FBN3: variants seen among roughly 807,000 people sequenced by gnomAD.
FBN3 encodes fibrillin 3, also known as fibrillin-3.
FBN3 carries 234 observed loss-of-function variants against 330.1 expected under a neutral mutation model. The ratio of observed to expected loss-of-function variants is 0.71; its 90% CI spans 0.64 to 0.79. The LOEUF (loss-of-function observed/expected upper bound fraction) is 0.79, where lower values mean the gene tolerates loss of function less well. FBN3 is among the 30% of genes least tolerant of loss of function. The pLI is 0.00. For synonymous variants in FBN3, 1,458 were observed against 1,517.3 expected, an observed-to-expected ratio of 0.96 and a Z score of 0.91; for missense variants, 3,606 against 3,886.9, an observed-to-expected ratio of 0.93 and a Z score of 1.92.
intron 59 of FBN3, among the ~76,000 whole-genome samples, chr19:8,077,360 C>T (rs992343321): frequency 2.0e-5 from 3 of 152,134 alleles, no homozygotes; most frequent in African/African-American, 7.2e-5. Flanking sequence ...CTCTTGGGGT[C>T]GGGCACAGTG....
intron 36 of FBN3, among the ~76,000 whole-genome samples, chr19:8,108,468 T>C (rs959099303): frequency 6.6e-6 from 1 of 152,100 alleles, no homozygotes; most frequent in Non-Finnish European, 1.5e-5. Context: ...TGTGTGTGTG[T>C]AAATGTGGGT....
intron 63 of FBN3, among the ~76,000 whole-genome samples, chr19:8,070,561 G>T (rs1381794068): frequency 6.6e-6 from 1 of 152,218 alleles, no homozygotes; most frequent in Non-Finnish European, 1.5e-5. Context: ...GGCTTCGGAA[G>T]ACAGAGGGGC....
chr19:8,106,082 C>T (rs2082431145), intron 38 of FBN3, 26 bp downstream of exon 38: 1 of 1,613,258 alleles, frequency 6.2e-7, no homozygotes, highest in Non-Finnish European at 8.5e-7. Context: ...AGAGCCTGAC[C>T]CACCCCAAAG....
intron 26 of FBN3, among the ~76,000 whole-genome samples, chr19:8,118,322 T>C (rs184998003): frequency 1.0e-3 from 157 of 151,902 alleles, no homozygotes; most frequent in Admixed American, 3.0e-3. Flanking sequence ...TAGCCAGGCA[T>C]AGTGGCGCAT....
At chr19:8,132,902 G>T in intron 14 of FBN3, 82 bp downstream of exon 14, 1 of 1,425,386 alleles carries the variant, frequency 7.0e-7, no homozygotes, top group South Asian at 1.4e-5. Context: ...ATCCCCGTCC[G>T]GTCCCTCTCC....
chr19:8,131,663 G>A lies in FBN3; in HGVS notation c.1881C>T (p.Gly627=). ...TGCCAGGGAAGGGGCGGGCACAGGA[G>A]CCCTTCTCGATGGCCCCATAGCAGG... The part of the protein sequence containing the change: ...RSTCYGAIEK[G]SCARPFPGTV... Residue 627 remains glycine, a synonymous_variant, in exon 15 of 64, where the codon GGC becomes GGT. Coordinates refer to ENST00000600128, the MANE Select transcript of FBN3 (RefSeq NM_032447.5). The surrounding 1 kb of genome is among the most constrained non-coding windows in gnomAD (Gnocchi z 4.5). 1 of 1,614,226 alleles carries A rather than the reference G, an allele frequency of 6.2e-7. No homozygotes were observed. The highest frequency in any genetic ancestry group is 8.5e-7 in the Non-Finnish European group (1 of 1,180,044).
chr19:8,135,555 C>T (rs1343130521), intron 13 of FBN3, among the ~76,000 whole-genome samples: 4 of 140,372 alleles, frequency 2.8e-5, no homozygotes, highest in Non-Finnish European at 4.6e-5. Flanking sequence ...CCACTACACT[C>T]GGACTTCTTT....
Position 8,096,844 on chromosome 19 carries a change from C to A in FBN3, c.5413+37G>T. On this transcript the variant is annotated intron_variant, in intron 43 of 63. Transcript: ENST00000600128. The surrounding 1 kb of genome is among the most constrained non-coding windows in gnomAD (Gnocchi z 4.6). ...ATCTAAGTCCCCATGGGTGACAGAG[C>A]CCAGCTCCCTCACCTCCTCCCAGGG... 1.2e-6 allele frequency: 2 copies of A among 1,605,994 alleles called. No homozygotes were observed. Among genetic ancestry groups the A allele is most frequent in the Non-Finnish European group, 1.7e-6 (2 of 1,177,862 alleles).
At chr19:8,127,264 T>C (rs2083017362) in intron 18 of FBN3, among the ~76,000 whole-genome samples, 1 of 151,982 alleles carries the variant, frequency 6.6e-6, no homozygotes, top group Non-Finnish European at 1.5e-5. Flanking sequence ...TTTCATGATG[T>C]TGGCCAGGCT....
chr19:8,115,392 C>T, intron 30 of FBN3, 123 bp downstream of exon 30: 1 of 1,256,222 alleles, frequency 8.0e-7, no homozygotes, highest in East Asian at 2.5e-5. Flanking sequence ...AAGAAGCCAT[C>T]CGTGGAAATC....
At chr19:8,108,851 G>C (rs2082509206) in intron 36 of FBN3, among the ~76,000 whole-genome samples, 2 of 152,168 alleles carry the variant, frequency 1.3e-5, no homozygotes, top group Non-Finnish European at 2.9e-5. Context: ...CCTTAGGACA[G>C]TTCTACTCTC....
chr19:8,109,511 G>T lies in FBN3; in HGVS notation c.4456+120C>A. The T allele has an allele frequency of 6.5e-7, 1 of 1,531,868 alleles. No homozygotes were observed. 94.9% of individuals were successfully genotyped at this position (1,531,868 alleles called of 1,614,324 possible). A position where few individuals can be genotyped will look rare whatever the true frequency, so the allele number is the denominator to read the frequency against. The stretch of plus-strand genomic sequence containing the variant: ...CCACTCTTGCAGGAGACCAGCAGAT[G>T]TCCCGTTTGTCAGGAGCAGGTAGAT... On this transcript the variant is annotated intron_variant, in intron 35 of 63. Coordinates refer to ENST00000600128, the MANE Select transcript of FBN3 (RefSeq NM_032447.5). The surrounding 1 kb of genome is among the most constrained non-coding windows in gnomAD (Gnocchi z 5.2).
intron 41 of FBN3, 117 bp from the exon 42 acceptor site, chr19:8,097,531 C>A (rs2082238134): frequency 1.7e-6 from 2 of 1,159,320 alleles, no homozygotes; most frequent in Admixed American, 2.9e-5. Context: ...CACAAACCAG[C>A]ACACACTCAA....
intron 59 of FBN3, among the ~76,000 whole-genome samples, chr19:8,080,151 C>A (rs1008032560): frequency 6.6e-6 from 1 of 152,166 alleles, no homozygotes; most frequent in Non-Finnish European, 1.5e-5. Flanking sequence ...TTAACAAAAG[C>A]AAGCAGGGGG....
chr19:8,083,416 C>G, intron 56 of FBN3, 44 bp from the exon 57 acceptor site: 1 of 1,609,464 alleles, frequency 6.2e-7, no homozygotes, highest in Non-Finnish European at 8.5e-7. Context: ...GGCTGCTTCG[C>G]GCCTCCACCG....
intron 10 of FBN3, among the ~76,000 whole-genome samples, chr19:8,137,453 G>A (rs2083315475): frequency 6.6e-6 from 1 of 151,990 alleles, no homozygotes; most frequent in Admixed American, 6.6e-5. Context: ...CCTTCAATCT[G>A]GAGCCTAGAT....
intron 63 of FBN3, among the ~76,000 whole-genome samples, chr19:8,070,362 A>G (rs73003698): frequency 0.28 from 41,987 of 152,106 alleles, 6,925 homozygotes; most frequent in East Asian, 0.55. Context: ...TTAGAATATC[A>G]GCCTCACGAG....
chr19:8,123,431 A>G, intron 24 of FBN3, 33 bp downstream of exon 24: 1 of 1,606,386 alleles, frequency 6.2e-7, no homozygotes. Flanking sequence ...GCCAAGGATC[A>G]CGCTCTCTCC....
In FBN3 at chr19:8,073,207, C is replaced by T; in HGVS notation, c.7793G>A (p.Gly2598Asp). The T allele has an allele frequency of 6.2e-7, 1 of 1,614,034 alleles. No individual in the cohort carries two copies. Among genetic ancestry groups the T allele is most frequent in the African/African-American group, 1.3e-5 (1 of 75,048 alleles). ...CCCGAGGGCCTGATCAAAGTCAAAGCCAGAGGGGCAGACGCAGCGGAAGCC... is the reference window on the plus strand; with the variant it reads ...CCCGAGGGCCTGATCAAAGTCAAAGTCAGAGGGGCAGACGCAGCGGAAGCC... ...LGGFRCVCPS[G>D]FDFDQALGGC... The change falls in exon 62 of 64, where the codon GGC becomes GAC. Residue 2598 changes from glycine to aspartate, a missense_variant. Gly to Asp is a moderately conservative substitution (Grantham distance 94). Coordinates refer to ENST00000600128, the MANE Select transcript of FBN3 (RefSeq NM_032447.5).
Sources: gnomAD v4.1 joint callset for allele counts (sites outside exome capture counted in the v4.1 genomes callset) on GRCh38, gnomAD v4.1.1 for gene constraint, Gnocchi (gnomAD v3.1) non-coding constraint, MANE v1.5 for transcripts, NCBI Gene and HGNC (gene_info 2026-07-23, HGNC 2026-07-21) for gene names.